Variants in RHD observed in about 807,000 individuals in gnomAD.
RHD encodes Rh blood group D antigen, also known as blood group Rh(D) polypeptide.
In RHD, 16 loss-of-function variants were observed where a neutral mutation model predicts 45.5. The observed-to-expected ratio is 0.35, with a 90% confidence interval of 0.24 to 0.53. RHD has a LOEUF of 0.53. Ranked by LOEUF, RHD falls within the 20% of genes least tolerant of loss-of-function variation. The pLI, the probability that RHD is intolerant of heterozygous loss-of-function variation, is 0.92. For synonymous variants in RHD, 131 were observed against 217.5 expected (o/e 0.60, Z 3.50); for missense variants, 306 against 532.0 (o/e 0.58, Z 4.18).
intron 3 of RHD, 111 bp downstream of exon 3, chr1:25,290,902 G>C (rs1642444988): frequency 9.0e-7 from 1 of 1,110,554 alleles, no homozygotes; most frequent in Admixed American, 1.9e-5. Context: ...CCAGCTACTT[G>C]GGAGGTTGAG....
At chr1:25,287,651 C>T (rs1299322719) in intron 2 of RHD, among the ~76,000 whole-genome samples, 1 of 135,716 alleles carries the variant, frequency 7.4e-6, no homozygotes, top group East Asian at 1.9e-4. Context: ...TCCTCACATA[C>T]TGATAACTTA....
chr1:25,311,577 G>T (rs1644151551), intron 7 of RHD, among the ~76,000 whole-genome samples: 1 of 129,960 alleles, frequency 7.7e-6, no homozygotes, highest in Non-Finnish European at 1.8e-5. Flanking sequence ...AACAAAGCCA[G>T]AGGCTGTTCA....
chr1:25,329,506 G>A lies in RHD; in HGVS notation c.*582G>A. 4.8e-6 allele frequency: 1 copy of A among 206,290 alleles called. No individual in the cohort carries two copies. The highest frequency in any genetic ancestry group is 4.5e-5 in the South Asian group (1 of 22,000). 12.8% of individuals were successfully genotyped at this position (206,290 alleles called of 1,614,324 possible). Reference sequence around the variant, plus strand: ...GATCTGCCCGCCTCGGCCTCCCAAAGTGCTGGAACCACAGGCCTGAGCCAC... The same window carrying A: ...GATCTGCCCGCCTCGGCCTCCCAAAATGCTGGAACCACAGGCCTGAGCCAC... On this transcript the variant is annotated 3_prime_UTR_variant, in exon 10 of 10. Coordinates refer to ENST00000328664, the MANE Select transcript of RHD (RefSeq NM_016124.6).
chr1:25,311,851 G>A lies in RHD; in HGVS notation c.1073+5122G>A, dbSNP rs758649093. Among the ~76,000 whole-genome samples, 3 of 131,366 alleles carry A rather than the reference G, an allele frequency of 2.3e-5. 1 individual carries two copies. Among genetic ancestry groups the A allele is most frequent in the African/African-American group, 5.3e-5 (2 of 37,536 alleles). The allele number at this position is 131,366 out of a possible 152,430, so 86.2% of individuals were successfully genotyped here. A position where few individuals can be genotyped will look rare whatever the true frequency, so the allele number is the denominator to read the frequency against. ...CACATGGCACTAATTTTGCAGGTGT[G>A]CAGAATGCAAAAGCTGAGGGGGCAT... On this transcript the variant is annotated intron_variant, in intron 7 of 9. Coordinates refer to ENST00000328664, the MANE Select transcript of RHD (RefSeq NM_016124.6).
At chr1:25,274,841 T>C (rs2124585556) in intron 1 of RHD, among the ~76,000 whole-genome samples, 1 of 131,408 alleles carries the variant, frequency 7.6e-6, no homozygotes, top group South Asian at 2.3e-4. Flanking sequence ...ACCGCATCTC[T>C]ACTAAAATTA....
intron 3 of RHD, among the ~76,000 whole-genome samples, chr1:25,297,059 GA>G (rs1643015292): frequency 7.7e-6 from 1 of 129,490 alleles, no homozygotes. Context: ...ATCTTTTCTA[GA>G]AAAAAATATA....
In RHD at chr1:25,318,676, ATG is replaced by A. The variant is rs1314600764; in HGVS notation, c.1153+1601_1153+1602del. Among the ~76,000 whole-genome samples, 25 of 133,124 alleles carry A rather than the reference ATG, an allele frequency of 1.9e-4. 4 individuals carry two copies. The highest frequency in any genetic ancestry group is 8.0e-4 in the Admixed American group (11 of 13,724). The allele number at this position is 133,124 out of a possible 152,430, so 87.3% of individuals were successfully genotyped here. A position where few individuals can be genotyped will look rare whatever the true frequency, so the allele number is the denominator to read the frequency against. On this transcript the variant is annotated intron_variant, in intron 8 of 9. Transcript: ENST00000328664. ...TCTTTTATTGGTTAGACACCCATAT[ATG>A]TGTCCCTAAGCAGGAGGTGAATGCC...
intron 1 of RHD, among the ~76,000 whole-genome samples, chr1:25,280,384 C>A (rs1641375958): frequency 8.0e-6 from 1 of 125,494 alleles, no homozygotes; most frequent in East Asian, 2.0e-4. Flanking sequence ...CGGCTCACTG[C>A]AACCTCAGCC....
intron 2 of RHD, among the ~76,000 whole-genome samples, chr1:25,286,928 A>G (rs1642068499): frequency 7.5e-6 from 1 of 133,914 alleles, no homozygotes. Context: ...TCCTGTCTCT[A>G]CTAAAAACAC....
rs779585806 is a variant in RHD, at chr1:25,306,732, G to T, written c.1073+3G>T. 7.3e-7 allele frequency: 1 copy of T among 1,376,596 alleles called. No individual in the cohort carries two copies. The highest frequency in any genetic ancestry group is 2.2e-5 in the East Asian group (1 of 44,594). The allele number at this position is 1,376,596 out of a possible 1,614,324, so 85.3% of individuals were successfully genotyped here. A position where few individuals can be genotyped will look rare whatever the true frequency, so the allele number is the denominator to read the frequency against. On this transcript the variant is annotated splice_donor_region_variant and intron_variant, in intron 7 of 9. Coordinates refer to ENST00000328664, the MANE Select transcript of RHD (RefSeq NM_016124.6). ...ACCGTCGGAGCCGGCAATGGCATGT[G>T]GGTCACTGGGCTTACCCCCCATCCC...
intron 3 of RHD, among the ~76,000 whole-genome samples, chr1:25,292,546 CTG>C (rs1485468692): frequency 3.8e-5 from 5 of 130,838 alleles, no homozygotes; most frequent in African/African-American, 1.3e-4. Context: ...AACTCAGCGG[CTG>C]CTGGTGCCAT....
chr1:25,309,823 G>A (rs1440973934), intron 7 of RHD, among the ~76,000 whole-genome samples: 3 of 132,418 alleles, frequency 2.3e-5, no homozygotes, highest in African/African-American at 7.8e-5. Flanking sequence ...TTGAGCTGAG[G>A]GTCTCGCCAG....
At chr1:25,321,802 C>T (rs1314256132) in intron 8 of RHD, 87 bp from the exon 9 acceptor site, 2 of 706,996 alleles carry the variant, frequency 2.8e-6, no homozygotes, top group African/African-American at 1.7e-5. Context: ...GAGATACTGT[C>T]GTTTTGACAC....
intron 7 of RHD, among the ~76,000 whole-genome samples, chr1:25,312,979 TTGCA>T (rs1254480936): frequency 5.5e-5 from 6 of 108,246 alleles, no homozygotes; most frequent in Non-Finnish European, 1.1e-4. Context: ...GGAATGAATT[TTGCA>T]TGTAAGAAGG....
intron 1 of RHD, among the ~76,000 whole-genome samples, chr1:25,274,956 AAACAACAAAAAC>A (rs986562789): frequency 1.5e-5 from 2 of 132,098 alleles, no homozygotes; most frequent in African/African-American, 5.2e-5. Context: ...TCAAAAAACC[AAACAACAAAAAC>A]AACAACAAGA....
intron 3 of RHD, among the ~76,000 whole-genome samples, chr1:25,299,848 C>T (rs1292692638): frequency 7.6e-6 from 1 of 131,238 alleles, no homozygotes; most frequent in South Asian, 2.3e-4. Flanking sequence ...CTCCCAGGTT[C>T]CAGTGAATCT....
Position 25,296,638 on chromosome 1 carries a change from G to A in RHD, c.487-4308G>A, listed in dbSNP as rs1642982831. On this transcript the variant is annotated intron_variant, in intron 3 of 9. Coordinates refer to ENST00000328664, the MANE Select transcript of RHD (RefSeq NM_016124.6). The stretch of plus-strand genomic sequence containing the variant: ...ACGTGTTGAGGGCATGACCTCGTGG[G>A]AGGTGATTGGATCACAGGGGTGGTT... 3.0e-5 allele frequency among the ~76,000 whole-genome samples: 4 copies of A among 131,508 alleles called. 1 individual carries two copies. In the South Asian group the frequency reaches 9.3e-4, roughly 31 times the overall value. The allele number at this position is 131,508 out of a possible 152,430, so 86.3% of individuals were successfully genotyped here.
In RHD at chr1:25,290,680, C is replaced by A; in HGVS notation, c.375C>A (p.Ile125=). Residue 125 remains isoleucine, a synonymous_variant, in exon 3 of 10, where the codon ATC becomes ATA. Transcript: ENST00000328664. The part of the protein sequence containing the change: ...LATMSALSVL[I]SVDAVLGKVN... ...CCATGAGTGCTTTGTCGGTGCTGAT[C>A]TCAGTGGATGCTGTCTTGGGGAAGG... 7.3e-7 allele frequency: 1 copy of A among 1,378,454 alleles called. No individual in the cohort carries two copies. The highest frequency in any genetic ancestry group is 1.0e-6 in the Non-Finnish European group (1 of 978,374). The allele number at this position is 1,378,454 out of a possible 1,614,324, so 85.4% of individuals were successfully genotyped here.
In RHD at chr1:25,286,255, G is replaced by A. The variant is rs1234757375; in HGVS notation, c.335+1496G>A. Among the ~76,000 whole-genome samples, 4 of 135,544 alleles carry A rather than the reference G, an allele frequency of 3.0e-5. 1 individual carries two copies. The East Asian group carries it at 7.7e-4, about 26-fold the overall frequency. 88.9% of individuals were successfully genotyped at this position (135,544 alleles called of 152,430 possible). A position where few individuals can be genotyped will look rare whatever the true frequency, so the allele number is the denominator to read the frequency against. On this transcript the variant is annotated intron_variant, in intron 2 of 9. Transcript: ENST00000328664. ...TGTAATCCCAGTACTTTTGGGAACC[G>A]AGGTGGGCAGATCACTTGAGCCCAG... is the stretch of plus-strand genomic sequence containing the variant.
Sources: gnomAD v4.1 joint callset for allele counts (sites outside exome capture counted in the v4.1 genomes callset) on GRCh38, gnomAD v4.1.1 for gene constraint, MANE v1.5 for transcripts, NCBI Gene and HGNC (gene_info 2026-07-23, HGNC 2026-07-21) for gene names.